Variants in FBXO15 observed in about 807,000 individuals in gnomAD.
FBXO15 encodes the protein F-box only protein 15.
FBXO15 carries 30 observed loss-of-function variants against 49.5 expected under a neutral mutation model. The observed-to-expected ratio is 0.61, with a 90% CI of 0.45 to 0.82. The LOEUF (loss-of-function observed/expected upper bound fraction) is 0.82, where lower values mean the gene tolerates loss of function less well. Among genes scored for constraint, FBXO15 ranks in the 40% least tolerant of loss-of-function variants. The pLI is 0.00. For synonymous variants in FBXO15, 250 were observed against 232.7 expected (o/e 1.07, Z -0.68); for missense variants, 591 against 631.5 (o/e 0.94, Z 0.69).
chr18:74,134,962 T>A (rs1177946933), intron 3 of FBXO15, among the ~76,000 whole-genome samples: 1 of 152,132 alleles, frequency 6.6e-6, no homozygotes, highest in Non-Finnish European at 1.5e-5. Context: ...AGGTTCTATG[T>A]AGGAATGATG....
Position 74,124,389 on chromosome 18 carries a change from A to T in FBXO15, c.995+100T>A, listed in dbSNP as rs1914609858. 15 of 961,120 alleles carry T rather than the reference A, an allele frequency of 1.6e-5. No individual in the cohort carries two copies. The South Asian group carries it at 1.8e-4, about 12-fold the overall frequency. The allele number at this position is 961,120 out of a possible 1,614,324, so 59.5% of individuals were successfully genotyped here. ...TTTGTGTTTACTGATTAAAAACAGA[A>T]TATCTCTGCAGCTATTCTCAGGATA... On this transcript the variant is annotated intron_variant, in intron 7 of 9. Coordinates refer to ENST00000419743, the MANE Select transcript of FBXO15 (RefSeq NM_001142958.2).
intron 8 of FBXO15, among the ~76,000 whole-genome samples, chr18:74,083,384 G>T (rs1316943471): frequency 1.3e-5 from 2 of 152,206 alleles, no homozygotes; most frequent in Non-Finnish European, 2.9e-5. Context: ...GAAAAGCGAG[G>T]CCTCAGTGGA....
At chr18:74,116,292 A>C (rs976536958) in intron 8 of FBXO15, among the ~76,000 whole-genome samples, 2 of 152,216 alleles carry the variant, frequency 1.3e-5, no homozygotes, top group African/African-American at 4.8e-5. Context: ...AGAAAAGATT[A>C]TACTTTCTCA....
chr18:74,105,796 A>G (rs1303310117), intron 8 of FBXO15, among the ~76,000 whole-genome samples: 1 of 152,134 alleles, frequency 6.6e-6, no homozygotes, highest in Non-Finnish European at 1.5e-5. Flanking sequence ...AAAACAAAGA[A>G]CAATAAAGCA....
chr18:74,133,899 C>A (rs1229000790), intron 3 of FBXO15, among the ~76,000 whole-genome samples: 2 of 152,174 alleles, frequency 1.3e-5, no homozygotes, highest in African/African-American at 4.8e-5. Flanking sequence ...GGGATCTGTT[C>A]CCATGACCCA....
At chr18:74,104,911 C>CT (rs1484826544) in intron 8 of FBXO15, among the ~76,000 whole-genome samples, 2 of 152,088 alleles carry the variant, frequency 1.3e-5, no homozygotes, top group African/African-American at 4.8e-5. Context: ...TGGAATTAAT[C>CT]TAAGTGTAAA....
At chr18:74,110,368 T>C (rs934113563) in intron 8 of FBXO15, among the ~76,000 whole-genome samples, 14 of 151,658 alleles carry the variant, frequency 9.2e-5, no homozygotes, top group Non-Finnish European at 1.3e-4. Flanking sequence ...TGGTAAATTG[T>C]AAGGCAACCA....
intron 1 of FBXO15, among the ~76,000 whole-genome samples, chr18:74,144,063 C>T (rs1011521169): frequency 2.6e-5 from 4 of 152,220 alleles, no homozygotes; most frequent in Admixed American, 2.6e-4. Flanking sequence ...GAATCACTAA[C>T]AGTATAACTG....
In FBXO15 at chr18:74,126,095, T is replaced by C; in HGVS notation, c.792A>G (p.Arg264=). 1 of 1,613,714 alleles carries C rather than the reference T, an allele frequency of 6.2e-7. No individual in the cohort carries two copies. Residue 264 remains arginine, a synonymous_variant, in exon 6 of 10, where the codon CGA becomes CGG. Transcript: ENST00000419743. ...WYKTPTKHRL[R]WHSLIAKYNL... ...TGTACTTTGCAATTAAAGAATGCCA[T>C]CGGAGTCTTTGAACGTTATGCCAAG...
At chr18:74,124,041 A>T (rs1273029196) in intron 7 of FBXO15, among the ~76,000 whole-genome samples, 1 of 152,052 alleles carries the variant, frequency 6.6e-6, no homozygotes, top group Non-Finnish European at 1.5e-5. Flanking sequence ...GAAAAGGGTG[A>T]GAGCTGTAGT....
intron 7 of FBXO15, 151 bp from the exon 8 acceptor site, chr18:74,123,661 T>C (rs1420835511): frequency 4.6e-6 from 4 of 865,766 alleles, no homozygotes; most frequent in Non-Finnish European, 6.9e-6. Context: ...TCTTCAATAC[T>C]GTGAACTTAA....
chr18:74,125,880 T>TA (rs1299622189), intron 6 of FBXO15, 95 bp downstream of exon 6: 1 of 1,508,940 alleles, frequency 6.6e-7, no homozygotes. Flanking sequence ...GTGAAAAGCT[T>TA]AAAGGATTTT....
intron 8 of FBXO15, among the ~76,000 whole-genome samples, chr18:74,108,019 G>A (rs7243038): frequency 0.23 from 34,424 of 152,010 alleles, 5,139 homozygotes; most frequent in African/African-American, 0.41. Context: ...GGCTCACTCA[G>A]AGACTGAGAT....
chr18:74,103,067 T>C (rs2145149012), intron 8 of FBXO15, among the ~76,000 whole-genome samples: 1 of 152,246 alleles, frequency 6.6e-6, no homozygotes, highest in South Asian at 2.1e-4. Context: ...CTTACTCATG[T>C]AACCAGATAC....
At chr18:74,123,955 AC>A (rs1914584947) in intron 7 of FBXO15, among the ~76,000 whole-genome samples, 1 of 152,106 alleles carries the variant, frequency 6.6e-6, no homozygotes, top group Non-Finnish European at 1.5e-5. Flanking sequence ...ACGTAAGGTG[AC>A]AAACTCAAAA....
chr18:74,073,673 A>G lies in FBXO15; in HGVS notation c.1321T>C (p.Phe441Leu). 1 of 1,614,166 alleles carries G rather than the reference A, an allele frequency of 6.2e-7. No homozygotes were observed. Among genetic ancestry groups the G allele is most frequent in the Non-Finnish European group, 8.5e-7 (1 of 1,180,034 alleles). The change falls in exon 10 of 10, where the codon TTC (phenylalanine) becomes CTC (leucine). Residue 441 changes from phenylalanine to leucine, a missense_variant. Coordinates refer to ENST00000419743, the MANE Select transcript of FBXO15 (RefSeq NM_001142958.2). ...LDEHGKPFWCFSSPVCLRSPA... is the reference protein window; with the variant it reads ...LDEHGKPFWCLSSPVCLRSPA... Reference sequence around the variant, plus strand: ...GATCTCAGGCACACCGGGGAACTGAAACACCAAAAGGGTTTCCCATGTTCA... The same window carrying G: ...GATCTCAGGCACACCGGGGAACTGAGACACCAAAAGGGTTTCCCATGTTCA...
rs1453637594 is a variant in FBXO15, at chr18:74,073,598, C to T, written c.1396G>A (p.Val466Met). Reference protein sequence around the residue: ...SSSFLGQTYNVDYVDAEGRVH... With the variant: ...SSSFLGQTYNMDYVDAEGRVH... ...CTTCCTTCCGCATCAACGTAGTCCA[C>T]GTTGTATGTCTGTCCCAAGAAGCTA... is the stretch of plus-strand genomic sequence containing the variant. Residue 466 changes from valine to methionine, a missense_variant, in exon 10 of 10, where the codon GTG becomes ATG. By Grantham distance (21) the Val-to-Met change is conservative. Coordinates refer to ENST00000419743, the MANE Select transcript of FBXO15 (RefSeq NM_001142958.2). 1.2e-6 allele frequency: 2 copies of T among 1,614,180 alleles called. No individual in the cohort carries two copies. Among genetic ancestry groups the T allele is most frequent in the South Asian group, 1.1e-5 (1 of 91,078 alleles).
chr18:74,074,601 T>C lies in FBXO15; in HGVS notation c.1264-871A>G, dbSNP rs1912179114. 6.6e-6 allele frequency among the ~76,000 whole-genome samples: 1 copy of C among 152,198 alleles called. No homozygotes were observed. Among genetic ancestry groups the C allele is most frequent in the Non-Finnish European group, 1.5e-5 (1 of 68,028 alleles). On this transcript the variant is annotated intron_variant, in intron 9 of 9. Coordinates refer to ENST00000419743, the MANE Select transcript of FBXO15 (RefSeq NM_001142958.2). This position sits in a 1 kb window ranked among gnomAD's most constrained non-coding sequence, Gnocchi z 4.7. ...CTCACTGGATGACTTCCACTACAAC[T>C]GTACTTCAGATTTACCCAGTGTTTT...
intron 8 of FBXO15, among the ~76,000 whole-genome samples, chr18:74,088,385 G>A (rs891006357): frequency 4.6e-5 from 7 of 152,180 alleles, no homozygotes; most frequent in Non-Finnish European, 1.0e-4. Context: ...TATATGTGGT[G>A]TAAGGAATTG....
Sources: gnomAD v4.1 joint callset for allele counts (sites outside exome capture counted in the v4.1 genomes callset) on GRCh38, gnomAD v4.1.1 for gene constraint, Gnocchi (gnomAD v3.1) non-coding constraint, MANE v1.5 for transcripts, NCBI Gene and HGNC (gene_info 2026-07-23, HGNC 2026-07-21) for gene names.